Variants in KCNK2 observed in about 807,000 individuals in gnomAD.
KCNK2 encodes potassium channel subfamily K member 2.
A neutral mutation model predicts 40.5 loss-of-function variants in KCNK2; 21 were observed. The observed-to-expected ratio is 0.52, with a 90% confidence interval of 0.37 to 0.75. The LOEUF (loss-of-function observed/expected upper bound fraction) is 0.75, where lower values mean the gene tolerates loss of function less well. Among genes scored for constraint, KCNK2 ranks in the 30% least tolerant of loss-of-function variants. The probability of loss-of-function intolerance (pLI) is 0.00; values close to 1 mark genes in which losing one functional copy is unlikely to be tolerated. For synonymous variants in KCNK2, 191 were observed against 202.2 expected (o/e 0.94, Z 0.47); for missense variants, 399 against 531.6 (o/e 0.75, Z 2.45).
At chr1:215,184,833 A>C (rs1664364004) in intron 5 of KCNK2, among the ~76,000 whole-genome samples, 1 of 152,176 alleles carries the variant, frequency 6.6e-6, no homozygotes, top group South Asian at 2.1e-4. Context: ...TTAAACAACT[A>C]ACAGTGTCAA....
chr1:215,168,868 A>G (rs149015823), intron 3 of KCNK2, among the ~76,000 whole-genome samples: 1 of 152,236 alleles, frequency 6.6e-6, no homozygotes, highest in Non-Finnish European at 1.5e-5. Flanking sequence ...TAAAGCAAAA[A>G]AAGAAAGAAA....
intron 3 of KCNK2, among the ~76,000 whole-genome samples, chr1:215,168,007 T>A (rs1312298407): frequency 6.6e-6 from 1 of 151,978 alleles, no homozygotes; most frequent in Non-Finnish European, 1.5e-5. Context: ...TACAAGGAAC[T>A]TAAACACATT....
chr1:215,085,640 G>A (rs1659398397), intron 1 of KCNK2, among the ~76,000 whole-genome samples: 1 of 152,150 alleles, frequency 6.6e-6, no homozygotes, highest in Non-Finnish European at 1.5e-5. Context: ...TCTTCTCTAG[G>A]TTGTGCCTAG....
chr1:215,212,906 C>T (rs1665798497), intron 6 of KCNK2, among the ~76,000 whole-genome samples: 1 of 152,192 alleles, frequency 6.6e-6, no homozygotes, highest in Non-Finnish European at 1.5e-5. Flanking sequence ...GTGTTTCATA[C>T]TAAAAGATCT....
At chr1:215,146,966 G>A (rs772574097) in intron 3 of KCNK2, among the ~76,000 whole-genome samples, 6 of 152,148 alleles carry the variant, frequency 3.9e-5, no homozygotes, top group South Asian at 2.1e-4. Context: ...AGAAATATTC[G>A]CAATTACCCT....
intron 3 of KCNK2, among the ~76,000 whole-genome samples, chr1:215,168,125 CT>C (rs1663532293): frequency 6.6e-6 from 1 of 152,164 alleles, no homozygotes; most frequent in African/African-American, 2.4e-5. Flanking sequence ...CTCAACATCA[CT>C]GATCATTAGA....
chr1:215,210,160 AGTGT>A (rs199682352), intron 6 of KCNK2, among the ~76,000 whole-genome samples: 2,099 of 146,180 alleles, frequency 0.014, 19 homozygotes, highest in Non-Finnish European at 0.019. Context: ...TATAGTATAT[AGTGT>A]GTGTATGTAC....
At chr1:215,185,425 C>G in intron 5 of KCNK2, among the ~76,000 whole-genome samples, 1 of 152,082 alleles carries the variant, frequency 6.6e-6, no homozygotes, top group East Asian at 1.9e-4. Flanking sequence ...GTGGCAACGG[C>G]TGGGTAGCAG....
At chr1:215,013,810 G>A (rs1000596512) in intron 1 of KCNK2, among the ~76,000 whole-genome samples, 4 of 152,072 alleles carry the variant, frequency 2.6e-5, no homozygotes, top group African/African-American at 4.8e-5. Flanking sequence ...ACTTCTAGAA[G>A]GTTTTTGGAA....
intron 2 of KCNK2, among the ~76,000 whole-genome samples, chr1:215,111,183 G>T (rs76744826): frequency 0.032 from 4,796 of 152,076 alleles, 239 homozygotes; most frequent in African/African-American, 0.11. Flanking sequence ...AGGTAATTTC[G>T]TGTCTTCTTT....
chr1:215,115,801 CA>C (rs34256449), intron 2 of KCNK2, among the ~76,000 whole-genome samples: 102,322 of 151,508 alleles, frequency 0.68, 34,930 homozygotes, highest in African/African-American at 0.71. Context: ...GAAAGATAGA[CA>C]AAGATTAATG....
chr1:215,098,409 C>T (rs1435050176), intron 2 of KCNK2, among the ~76,000 whole-genome samples: 3 of 151,802 alleles, frequency 2.0e-5, no homozygotes, highest in Non-Finnish European at 4.4e-5. Flanking sequence ...GCTTATTTTC[C>T]CCCAAATCTG....
Position 215,124,698 on chromosome 1 carries a change from C to T in KCNK2, c.423C>T (p.His141=). The T allele has an allele frequency of 1.2e-6, 2 of 1,612,628 alleles. No homozygotes were observed. Among genetic ancestry groups the T allele is most frequent in the Non-Finnish European group, 1.7e-6 (2 of 1,178,768 alleles). Residue 141 remains histidine, a synonymous_variant, in exon 3 of 7, where the codon CAC becomes CAT. Transcript: ENST00000444842. ...PLGNTSNQIS[H]WDLGSSFFFA... ...GAAACACCTCCAATCAAATCAGTCA[C>T]TGGGATTTGGGAAGTTCCTTCTTCT...
intron 3 of KCNK2, among the ~76,000 whole-genome samples, chr1:215,148,359 C>CCCA (rs2102609322): frequency 6.6e-6 from 1 of 151,668 alleles, no homozygotes; most frequent in Admixed American, 6.6e-5. Flanking sequence ...ACAGGCATGA[C>CCCA]CCACCATGCC....
intron 1 of KCNK2, among the ~76,000 whole-genome samples, chr1:215,023,738 ATT>A: frequency 1.3e-5 from 2 of 152,334 alleles, no homozygotes; most frequent in Middle Eastern, 3.4e-3. Context: ...TAAAAATAAA[ATT>A]TTGGGTTTGC....
intron 1 of KCNK2, among the ~76,000 whole-genome samples, chr1:215,073,250 C>T (rs1465843659): frequency 1.3e-5 from 2 of 152,132 alleles, no homozygotes; most frequent in Non-Finnish European, 2.9e-5. Context: ...TTCCTGACTT[C>T]TACTCCGCAG....
chr1:215,031,606 A>G (rs900069466), intron 1 of KCNK2, among the ~76,000 whole-genome samples: 3 of 152,074 alleles, frequency 2.0e-5, no homozygotes, highest in Non-Finnish European at 4.4e-5. Context: ...GCATAATGCA[A>G]ATTCTTCAAA....
At chr1:215,165,521 C>A (rs1663403657) in intron 3 of KCNK2, among the ~76,000 whole-genome samples, 1 of 152,098 alleles carries the variant, frequency 6.6e-6, no homozygotes. Context: ...ATCCTCTAAC[C>A]TTTGCTTCTA....
At chr1:215,123,527 G>A (rs900273039) in intron 2 of KCNK2, among the ~76,000 whole-genome samples, 8 of 151,792 alleles carry the variant, frequency 5.3e-5, no homozygotes, top group Non-Finnish European at 2.9e-5. Flanking sequence ...ATTTCATAAT[G>A]GTCAGTTCTG....
Sources: gnomAD v4.1 joint callset for allele counts (sites outside exome capture counted in the v4.1 genomes callset) on GRCh38, gnomAD v4.1.1 for gene constraint, MANE v1.5 for transcripts, NCBI Gene and HGNC (gene_info 2026-07-23, HGNC 2026-07-21) for gene names.